The following TBC1D2 variants were observed in gnomAD, a reference collection of about 807,000 sequenced individuals.
TBC1D2 encodes the protein TBC1 domain family member 2A.
Under a neutral mutation model 91.1 loss-of-function variants are expected in TBC1D2, and 58 were observed. The ratio of observed to expected loss-of-function variants is 0.64; its 90% CI spans 0.52 to 0.79. The LOEUF is 0.79. Ranked by LOEUF, TBC1D2 falls within the 30% of genes least tolerant of loss-of-function variation. The pLI is 0.00. For synonymous variants in TBC1D2, 482 were observed against 511.5 expected (o/e 0.94, Z 0.78); for missense variants, 1,080 against 1,208.3 (o/e 0.89, Z 1.57).
At chr9:98,219,607 G>A (rs892080715) in intron 6 of TBC1D2, among the ~76,000 whole-genome samples, 1 of 152,210 alleles carries the variant, frequency 6.6e-6, no homozygotes, top group Non-Finnish European at 1.5e-5. Context: ...CTATTGCTCC[G>A]AGGCTGCAGA....
At chr9:98,227,166 T>G (rs775950234) in intron 5 of TBC1D2, among the ~76,000 whole-genome samples, 1 of 152,302 alleles carries the variant, frequency 6.6e-6, no homozygotes, top group African/African-American at 2.4e-5. Context: ...TGGAGCACCA[T>G]GATGACAGGA....
intron 4 of TBC1D2, 108 bp downstream of exon 4, chr9:98,233,308 G>T: frequency 6.9e-7 from 1 of 1,444,518 alleles, no homozygotes; most frequent in East Asian, 2.4e-5. Flanking sequence ...AGCCAACTAA[G>T]ACACACACAA....
At chr9:98,250,873 G>A (rs1183575026) in intron 2 of TBC1D2, among the ~76,000 whole-genome samples, 2 of 152,176 alleles carry the variant, frequency 1.3e-5, no homozygotes, top group Non-Finnish European at 2.9e-5. Flanking sequence ...ATGGGGGTGG[G>A]AGGGTGTGGT....
At position 98,255,599 on chromosome 9, in the gene TBC1D2, T is replaced by C. The variant is rs1829961100; in HGVS notation, c.-58A>G. On this transcript the variant is annotated 5_prime_UTR_variant, in exon 1 of 13. Transcript: ENST00000465784. ...GGTCCGCGGGACCACCAGGGACAAA[T>C]CTCGGAGACTCGGCGGGCAGCTTCC... is the stretch of plus-strand genomic sequence containing the variant. 2 of 1,427,218 alleles carry C rather than the reference T, an allele frequency of 1.4e-6. No individual in the cohort carries two copies. Among genetic ancestry groups the C allele is most frequent in the Non-Finnish European group, 1.8e-6 (2 of 1,094,448 alleles). 88.4% of individuals were successfully genotyped at this position (1,427,218 alleles called of 1,614,324 possible).
chr9:98,221,293 A>G, intron 5 of TBC1D2, 65 bp from the exon 6 acceptor site: 1 of 1,465,212 alleles, frequency 6.8e-7, no homozygotes, highest in African/African-American at 1.4e-5. Context: ...ACAGTGGGGT[A>G]TATGTTATCA....
At chr9:98,214,096 G>C (rs2119051701) in intron 6 of TBC1D2, among the ~76,000 whole-genome samples, 1 of 152,234 alleles carries the variant, frequency 6.6e-6, no homozygotes, top group African/African-American at 2.4e-5. Flanking sequence ...ACAATTCCAG[G>C]GTATTTACTG....
intron 11 of TBC1D2, among the ~76,000 whole-genome samples, 177 bp from the exon 12 acceptor site, chr9:98,200,551 C>T (rs1379337451): frequency 6.8e-6 from 1 of 148,022 alleles, no homozygotes. Context: ...GACTGAATAC[C>T]CCGGCGGGGT....
At chr9:98,222,078 C>G (rs1231521349) in intron 5 of TBC1D2, among the ~76,000 whole-genome samples, 5 of 152,166 alleles carry the variant, frequency 3.3e-5, no homozygotes, top group Non-Finnish European at 2.9e-5. Context: ...ATATACACAT[C>G]CATTTCAGGG....
chr9:98,218,621 A>T (rs1325778857), intron 6 of TBC1D2, among the ~76,000 whole-genome samples: 1 of 152,096 alleles, frequency 6.6e-6, no homozygotes. Flanking sequence ...TCAGGGGCAC[A>T]CTCAGTCTCC....
chr9:98,219,326 A>G (rs985564088), intron 6 of TBC1D2, among the ~76,000 whole-genome samples: 12 of 152,214 alleles, frequency 7.9e-5, no homozygotes, highest in African/African-American at 2.7e-4. Flanking sequence ...CCACTGTTCA[A>G]CACTGCCCAC....
chr9:98,243,460 T>G (rs1313119034), intron 3 of TBC1D2, among the ~76,000 whole-genome samples: 2 of 152,048 alleles, frequency 1.3e-5, no homozygotes, highest in African/African-American at 4.8e-5. Flanking sequence ...CCTCGTCCAG[T>G]GGGTAATTTT....
chr9:98,252,085 T>G (rs1212825233), intron 1 of TBC1D2, among the ~76,000 whole-genome samples, 159 bp from the exon 2 acceptor site: 2 of 152,072 alleles, frequency 1.3e-5, no homozygotes, highest in Non-Finnish European at 2.9e-5. Context: ...CCACAGAAGA[T>G]CATCAGGCTC....
At chr9:98,232,153 T>C (rs1444416639) in intron 4 of TBC1D2, among the ~76,000 whole-genome samples, 2 of 152,112 alleles carry the variant, frequency 1.3e-5, no homozygotes, top group Non-Finnish European at 2.9e-5. Context: ...GAATATATCT[T>C]AATAAAGTTG....
At chr9:98,201,796 G>C (rs914098665) in intron 10 of TBC1D2, 132 bp from the exon 11 acceptor site, 2 of 854,488 alleles carry the variant, frequency 2.3e-6, no homozygotes, top group Non-Finnish European at 3.5e-6. Flanking sequence ...TCCTGCCCAG[G>C]AGACACCTCG....
rs757138624 is a variant in TBC1D2 at position 98,228,915 on chromosome 9, C to T, written c.978+37G>A. 6.3e-7 allele frequency: 1 copy of T among 1,594,896 alleles called. No individual in the cohort carries two copies. Among genetic ancestry groups the T allele is most frequent in the Non-Finnish European group, 8.6e-7 (1 of 1,166,642 alleles). On this transcript the variant is annotated intron_variant, in intron 5 of 12. Transcript: ENST00000465784. The surrounding 1 kb of genome is among the most constrained non-coding windows in gnomAD (Gnocchi z 4.0). ...AAAGGCTCCAGGAACTGGAGGGGTC[C>T]ACTGGAACCTGGGGCCTCCCTGGGA...
chr9:98,244,688 G>C (rs4743192), intron 2 of TBC1D2, among the ~76,000 whole-genome samples: 19,342 of 138,812 alleles, frequency 0.14, 1,534 homozygotes, highest in Non-Finnish European at 0.18. Context: ...AAAAAAGGCA[G>C]ACCTACAGTT....
chr9:98,239,266 T>G (rs928313102), intron 3 of TBC1D2, among the ~76,000 whole-genome samples: 1 of 152,140 alleles, frequency 6.6e-6, no homozygotes, highest in Non-Finnish European at 1.5e-5. Flanking sequence ...TTTTGTAGGC[T>G]GGTCTCAAAC....
At chr9:98,239,740 T>C (rs1042345403) in intron 3 of TBC1D2, among the ~76,000 whole-genome samples, 1 of 152,032 alleles carries the variant, frequency 6.6e-6, no homozygotes, top group Non-Finnish European at 1.5e-5. Context: ...CTGTGAAGAA[T>C]TGGTATTAAT....
chr9:98,249,966 A>C (rs1829837530), intron 2 of TBC1D2, among the ~76,000 whole-genome samples: 1 of 152,194 alleles, frequency 6.6e-6, no homozygotes, highest in Non-Finnish European at 1.5e-5. Flanking sequence ...GGCAACCAAA[A>C]AAAAGTCCCC....
Sources: gnomAD v4.1 joint callset for allele counts (sites outside exome capture counted in the v4.1 genomes callset) on GRCh38, gnomAD v4.1.1 for gene constraint, Gnocchi (gnomAD v3.1) non-coding constraint, MANE v1.5 for transcripts, NCBI Gene and HGNC (gene_info 2026-07-23, HGNC 2026-07-21) for gene names.